Variants in SGCZ observed in about 807,000 individuals in gnomAD.
SGCZ encodes zeta-sarcoglycan.
A neutral mutation model predicts 41.3 loss-of-function variants in SGCZ; 40 were observed. The ratio of observed to expected loss-of-function variants is 0.97; its 90% CI spans 0.75 to 1.26. SGCZ has a LOEUF of 1.26. SGCZ is among the 50% of genes most tolerant of loss of function. The probability of loss-of-function intolerance (pLI) is 0.00; values close to 1 mark genes in which losing one functional copy is unlikely to be tolerated. For synonymous variants in SGCZ, 206 were observed against 137.5 expected (o/e 1.50, Z -3.49); for missense variants, 552 against 369.8 (o/e 1.49, Z -4.04).
intron 1 of SGCZ, among the ~76,000 whole-genome samples, chr8:14,809,661 A>G (rs1284349838): frequency 6.6e-6 from 1 of 152,170 alleles, no homozygotes; most frequent in Non-Finnish European, 1.5e-5. Flanking sequence ...TGGATTTAAG[A>G]CTATCAAAAT....
intron 3 of SGCZ, among the ~76,000 whole-genome samples, chr8:14,323,870 G>A (rs1451950554): frequency 6.6e-6 from 1 of 152,018 alleles, no homozygotes; most frequent in Admixed American, 6.6e-5. Context: ...ATTTTATAGA[G>A]TAGAAAAGCT....
Position 15,173,912 on chromosome 8 carries a change from G to C in SGCZ, c.39+63673C>G, listed in dbSNP as rs889736662. Among the ~76,000 whole-genome samples, 8 of 152,020 alleles carry C rather than the reference G, an allele frequency of 5.3e-5. No homozygotes were observed. In the South Asian group the frequency reaches 1.7e-3, roughly 31 times the overall value. ...CTGGCTAATTTTTTTATTTTTAATAGAGGCAAAGTCTCACTACATTACTGG... is the reference window on the plus strand; with the variant it reads ...CTGGCTAATTTTTTTATTTTTAATACAGGCAAAGTCTCACTACATTACTGG... On this transcript the variant is annotated intron_variant, in intron 1 of 7. Coordinates refer to ENST00000382080, the MANE Select transcript of SGCZ (RefSeq NM_139167.4).
chr8:14,591,725 A>G (rs79929956), intron 1 of SGCZ, among the ~76,000 whole-genome samples: 3,651 of 152,282 alleles, frequency 0.024, 81 homozygotes, highest in East Asian at 0.062. Flanking sequence ...GCATAATTTT[A>G]ATGCTTGAAA....
chr8:14,537,045 A>G (rs1803317782), intron 2 of SGCZ, among the ~76,000 whole-genome samples: 1 of 151,958 alleles, frequency 6.6e-6, no homozygotes, highest in South Asian at 2.1e-4. Context: ...CAGGCAATGC[A>G]ATTGTTCCTG....
chr8:14,313,940 G>C (rs1388750467), intron 3 of SGCZ, among the ~76,000 whole-genome samples: 1 of 151,442 alleles, frequency 6.6e-6, no homozygotes, highest in East Asian at 2.0e-4. Context: ...GTGTGTGTGT[G>C]TGTGTGTGTG....
At chr8:14,733,160 T>A (rs1239031599) in intron 1 of SGCZ, among the ~76,000 whole-genome samples, 1 of 152,092 alleles carries the variant, frequency 6.6e-6, no homozygotes, top group East Asian at 1.9e-4. Flanking sequence ...CTCTGACACT[T>A]TGAGCCACTG....
At chr8:14,267,891 T>A (rs908814782) in intron 3 of SGCZ, among the ~76,000 whole-genome samples, 4 of 151,984 alleles carry the variant, frequency 2.6e-5, no homozygotes, top group African/African-American at 7.2e-5. Flanking sequence ...GTCATTCTAT[T>A]TTTACATTTA....
At chr8:14,371,004 ATGAATAAGTTAGCAT>A (rs1803889453) in intron 2 of SGCZ, among the ~76,000 whole-genome samples, 1 of 152,004 alleles carries the variant, frequency 6.6e-6, no homozygotes, top group Non-Finnish European at 1.5e-5. Flanking sequence ...AAACACACAA[ATGAATAAGTTAGCAT>A]TGAAAAAAGA....
intron 1 of SGCZ, among the ~76,000 whole-genome samples, chr8:14,681,028 T>C (rs1808430414): frequency 6.7e-6 from 1 of 148,840 alleles, no homozygotes; most frequent in Non-Finnish European, 1.5e-5. Flanking sequence ...TCTAACATAC[T>C]TTTAATTGAA....
At chr8:14,582,535 A>C (rs1411345982) in intron 1 of SGCZ, among the ~76,000 whole-genome samples, 1 of 151,854 alleles carries the variant, frequency 6.6e-6, no homozygotes, top group Non-Finnish European at 1.5e-5. Context: ...TCATACTTTA[A>C]GTTTAGGGTA....
At chr8:14,222,676 A>G (rs1165725082) in intron 4 of SGCZ, among the ~76,000 whole-genome samples, 1 of 151,846 alleles carries the variant, frequency 6.6e-6, no homozygotes, top group East Asian at 1.9e-4. Context: ...TCCATGGACA[A>G]TTTACTGTTT....
chr8:14,942,817 T>C (rs1272293520), intron 1 of SGCZ, among the ~76,000 whole-genome samples: 2 of 152,172 alleles, frequency 1.3e-5, no homozygotes, highest in Non-Finnish European at 2.9e-5. Context: ...ATTAGGCATT[T>C]ATCTTACAAC....
intron 7 of SGCZ, among the ~76,000 whole-genome samples, chr8:14,095,261 T>C (rs1239785639): frequency 3.9e-5 from 6 of 152,106 alleles, no homozygotes; most frequent in African/African-American, 1.2e-4. Context: ...GTTTAGGTAT[T>C]ATGTTTAAGT....
intron 1 of SGCZ, among the ~76,000 whole-genome samples, chr8:15,227,140 C>A (rs1276721987): frequency 6.6e-6 from 1 of 152,048 alleles, no homozygotes; most frequent in African/African-American, 2.4e-5. Context: ...CATAACCGGG[C>A]ATCATCACCC....
intron 1 of SGCZ, among the ~76,000 whole-genome samples, chr8:15,147,162 G>A (rs1237670721): frequency 6.6e-6 from 1 of 152,190 alleles, no homozygotes; most frequent in Admixed American, 6.5e-5. Flanking sequence ...TAGAACACTG[G>A]AAAACCTGCA....
intron 2 of SGCZ, among the ~76,000 whole-genome samples, chr8:14,409,286 T>C (rs958339888): frequency 6.6e-6 from 1 of 152,052 alleles, no homozygotes; most frequent in African/African-American, 2.4e-5. Context: ...CTCCTGAAGA[T>C]TTTCACATGT....
Position 14,769,793 on chromosome 8 carries a change from T to TAAAA in SGCZ, c.40-214871_40-214868dup, listed in dbSNP as rs565416806. ...CTGGGCGACAAGAGCAAAACACCAT[T>TAAAA]AAAAAAAAAAAAAAAAAAAAAACCC... On this transcript the variant is annotated intron_variant, in intron 1 of 7. Coordinates refer to ENST00000382080, the MANE Select transcript of SGCZ (RefSeq NM_139167.4). Among the ~76,000 whole-genome samples, 110 of 52,196 alleles carry TAAAA rather than the reference T, an allele frequency of 2.1e-3. 4 individuals are homozygous for TAAAA. Among genetic ancestry groups the TAAAA allele is most frequent in the African/African-American group, 0.012 (100 of 8,104 alleles). The allele number at this position is 52,196 out of a possible 152,430, so 34.2% of individuals were successfully genotyped here. A position where few individuals can be genotyped will look rare whatever the true frequency, so the allele number is the denominator to read the frequency against.
chr8:14,102,131 G>C (rs1480845927), intron 7 of SGCZ, among the ~76,000 whole-genome samples: 32 of 147,652 alleles, frequency 2.2e-4, no homozygotes, highest in African/African-American at 7.8e-4. Flanking sequence ...GTAGAGATGG[G>C]GTTTCACCGT....
intron 2 of SGCZ, among the ~76,000 whole-genome samples, chr8:14,400,825 T>C (rs1799050719): frequency 6.6e-6 from 1 of 152,172 alleles, no homozygotes; most frequent in Non-Finnish European, 1.5e-5. Context: ...CATAGAGTAC[T>C]CAACAATTAA....
Sources: allele counts gnomAD v4.1 joint callset (sites outside exome capture counted in the v4.1 genomes callset), GRCh38; gene constraint gnomAD v4.1.1; transcripts MANE v1.5; gene names NCBI Gene and HGNC (gene_info 2026-07-23, HGNC 2026-07-21).